The following PHF14 variants were observed in gnomAD, a reference collection of about 807,000 sequenced individuals.
The protein encoded by PHF14 is PHD finger protein 14.
A neutral mutation model predicts 117.9 loss-of-function variants in PHF14; 55 were observed. The ratio of observed to expected loss-of-function variants is 0.47; its 90% CI spans 0.38 to 0.58. The LOEUF (loss-of-function observed/expected upper bound fraction) is 0.58, where lower values mean the gene tolerates loss of function less well. Ranked by LOEUF, PHF14 falls within the 20% of genes least tolerant of loss-of-function variation. The pLI, the probability that PHF14 is intolerant of heterozygous loss-of-function variation, is 0.00. For missense variants in PHF14, 978 were observed against 1,122.2 expected, an observed-to-expected ratio of 0.87 and a Z score of 1.84; for synonymous variants, 409 against 368.6, an observed-to-expected ratio of 1.11 and a Z score of -1.26.
At chr7:11,026,365 C>G (rs1783911227) in intron 6 of PHF14, among the ~76,000 whole-genome samples, 2 of 152,152 alleles carry the variant, frequency 1.3e-5, no homozygotes, top group Admixed American at 6.5e-5. Flanking sequence ...ATAAACCTAA[C>G]TTGAAAATAC....
intron 16 of PHF14, among the ~76,000 whole-genome samples, chr7:11,094,221 T>C (rs1786755827): frequency 6.6e-6 from 1 of 152,224 alleles, no homozygotes; most frequent in Admixed American, 6.5e-5. Context: ...AACAAATTAC[T>C]ACAAATTTGG....
At chr7:11,123,112 CA>C (rs1780803827) in intron 17 of PHF14, among the ~76,000 whole-genome samples, 1 of 151,956 alleles carries the variant, frequency 6.6e-6, no homozygotes, top group Admixed American at 6.6e-5. Context: ...GTTGGTTTCA[CA>C]GTCTTTTTTT....
chr7:11,104,197 C>G, intron 16 of PHF14: 1 of 981,160 alleles, frequency 1.0e-6, no homozygotes. Context: ...AATTATAATA[C>G]TATATTATCA....
At chr7:10,986,557 T>C (rs1204856076) in intron 3 of PHF14, among the ~76,000 whole-genome samples, 3 of 152,224 alleles carry the variant, frequency 2.0e-5, no homozygotes, top group African/African-American at 7.2e-5. Context: ...GCTCTAGAAC[T>C]GGGCATTAGA....
At chr7:10,999,179 C>A (rs1464207272) in intron 4 of PHF14, among the ~76,000 whole-genome samples, 1 of 152,174 alleles carries the variant, frequency 6.6e-6, no homozygotes, top group African/African-American at 2.4e-5. Context: ...CCTGCCCTTG[C>A]AGTAGTTTTC....
Position 11,051,185 on chromosome 7 carries a change from C to T in PHF14, c.2313-427C>T, listed in dbSNP as rs142761008. ...CTTCCTGAGTAGCTGGGATTATAGG[C>T]GTGTGCCACCAAGCCTAGTTAATTT... On this transcript the variant is annotated intron_variant, in intron 13 of 17. Transcript: ENST00000634607. Among the ~76,000 whole-genome samples, 98 of 151,932 alleles carry T rather than the reference C, an allele frequency of 6.5e-4. 2 individuals are homozygous for T. The East Asian group carries it at 0.017, about 26-fold the overall frequency.
At chr7:11,148,612 G>A (rs1486330936) in intron 17 of PHF14, among the ~76,000 whole-genome samples, 1 of 152,078 alleles carries the variant, frequency 6.6e-6, no homozygotes, top group Admixed American at 6.5e-5. Flanking sequence ...TTTGTTGCCT[G>A]TCTCTGTTGA....
intron 17 of PHF14, among the ~76,000 whole-genome samples, chr7:11,125,105 T>G (rs1339351139): frequency 6.6e-6 from 1 of 152,030 alleles, no homozygotes; most frequent in Non-Finnish European, 1.5e-5. Context: ...ATATGGATGA[T>G]TTATGTAGAC....
At chr7:10,985,337 T>G (rs574714797) in intron 3 of PHF14, among the ~76,000 whole-genome samples, 81 of 152,160 alleles carry the variant, frequency 5.3e-4, no homozygotes, top group Non-Finnish European at 9.3e-4. Context: ...TACTTTGTTT[T>G]CAGAAACTAC....
intron 17 of PHF14, among the ~76,000 whole-genome samples, chr7:11,140,968 A>G (rs1173276905): frequency 6.6e-6 from 1 of 152,020 alleles, no homozygotes; most frequent in Non-Finnish European, 1.5e-5. Flanking sequence ...TTCCTTTTTC[A>G]TGTCTGTTTC....
chr7:11,146,980 G>A (rs1788565387), intron 17 of PHF14, among the ~76,000 whole-genome samples: 1 of 152,084 alleles, frequency 6.6e-6, no homozygotes, highest in African/African-American at 2.4e-5. Context: ...CTGAGTAGCT[G>A]GGAATACAGG....
At chr7:11,040,122 C>G (rs1006211080) in intron 11 of PHF14, among the ~76,000 whole-genome samples, 2 of 151,290 alleles carry the variant, frequency 1.3e-5, no homozygotes, top group Admixed American at 6.6e-5. Flanking sequence ...TTGCATGACA[C>G]TTTTTTTTTC....
At chr7:11,041,911 C>T (rs1304930900) in intron 12 of PHF14, among the ~76,000 whole-genome samples, 2 of 150,218 alleles carry the variant, frequency 1.3e-5, no homozygotes, top group African/African-American at 4.9e-5. Flanking sequence ...AAAAAAAAAC[C>T]TAACCATCAT....
At chr7:11,101,756 C>G (rs1014500147) in intron 16 of PHF14, among the ~76,000 whole-genome samples, 1 of 151,708 alleles carries the variant, frequency 6.6e-6, no homozygotes, top group African/African-American at 2.4e-5. Flanking sequence ...AAAAAGTGAA[C>G]TTTTTCTGCG....
At chr7:11,104,865 A>G (rs1787207729) in intron 16 of PHF14, 1 of 954,608 alleles carries the variant, frequency 1.0e-6, no homozygotes, top group Non-Finnish European at 1.2e-6. Flanking sequence ...AGAACCATTC[A>G]TAGGTAGTAT....
intron 16 of PHF14, among the ~76,000 whole-genome samples, chr7:11,085,588 A>G (rs190383581): frequency 6.6e-5 from 10 of 152,278 alleles, no homozygotes; most frequent in South Asian, 2.1e-4. Flanking sequence ...CCTCGTTTCA[A>G]CATTTAACAT....
intron 16 of PHF14, chr7:11,105,076 G>C: frequency 1.1e-6 from 1 of 927,084 alleles, no homozygotes; most frequent in African/African-American, 1.8e-5. Context: ...CACTATTTTA[G>C]ATACAGAAAG....
chr7:11,153,667 A>G (rs1436718200), intron 17 of PHF14, among the ~76,000 whole-genome samples: 1 of 152,204 alleles, frequency 6.6e-6, no homozygotes, highest in Non-Finnish European at 1.5e-5. Context: ...TCATAGAACT[A>G]GAAGAAATTT....
At position 11,071,753 on chromosome 7, in the gene PHF14, C is replaced by T. The variant is rs559897222; in HGVS notation, c.2654+9668C>T. Among the ~76,000 whole-genome samples, 267 of 152,210 alleles carry T rather than the reference C, an allele frequency of 1.8e-3. 1 individual carries two copies. Among genetic ancestry groups the T allele is most frequent in the Non-Finnish European group, 2.8e-3 (192 of 68,012 alleles). On this transcript the variant is annotated intron_variant, in intron 16 of 17. Transcript: ENST00000634607. ...TTTCTCATAGCCCTGAGACATGTTT[C>T]TGATTATGTATAAATTAGATTTTGT...
Sources: allele counts gnomAD v4.1 joint callset (sites outside exome capture counted in the v4.1 genomes callset), GRCh38; gene constraint gnomAD v4.1.1; transcripts MANE v1.5; gene names NCBI Gene and HGNC (gene_info 2026-07-23, HGNC 2026-07-21).